PLEKHG1: variants seen among roughly 807,000 people sequenced by gnomAD.
PLEKHG1 encodes pleckstrin homology domain-containing family G member 1.
In PLEKHG1, 44 loss-of-function variants were observed where a neutral mutation model predicts 100.8. The ratio of observed to expected loss-of-function variants is 0.44; its 90% confidence interval spans 0.34 to 0.56. PLEKHG1 has a LOEUF of 0.56. PLEKHG1 is among the 20% of genes least tolerant of loss of function. The pLI is 0.01. For synonymous variants in PLEKHG1, 640 were observed against 662.5 expected, an observed-to-expected ratio of 0.97 and a Z score of 0.52; for missense variants, 1,545 against 1,720.9, an observed-to-expected ratio of 0.90 and a Z score of 1.81.
chr6:150,614,455 A>G (rs1776977855), intron 1 of PLEKHG1, among the ~76,000 whole-genome samples: 4 of 152,224 alleles, frequency 2.6e-5, no homozygotes, highest in Admixed American at 1.3e-4. Context: ...ATAATAATGG[A>G]GAAAGTGTTA....
At chr6:150,677,283 T>TACGCGCAC (rs756621195) in intron 3 of PLEKHG1, among the ~76,000 whole-genome samples, 84 of 134,264 alleles carry the variant, frequency 6.3e-4, no homozygotes, top group Middle Eastern at 4.2e-3. Context: ...TTTCTTCCCC[T>TACGCGCAC]ATACACACAC....
chr6:150,736,544 G>A (rs982456571), intron 2 of PLEKHG1, among the ~76,000 whole-genome samples: 37 of 152,268 alleles, frequency 2.4e-4, no homozygotes, highest in Non-Finnish European at 4.9e-4. Context: ...CGAGGCGGGC[G>A]GATCACCTGA....
chr6:150,733,169 G>A (rs1410284116), intron 1 of PLEKHG1, among the ~76,000 whole-genome samples: 2 of 152,158 alleles, frequency 1.3e-5, no homozygotes, highest in African/African-American at 4.8e-5. Context: ...AACCACTTGT[G>A]GTGCTTGTTA....
At chr6:150,724,393 C>G (rs1243379563) in intron 1 of PLEKHG1, among the ~76,000 whole-genome samples, 2 of 152,008 alleles carry the variant, frequency 1.3e-5, no homozygotes, top group Non-Finnish European at 2.9e-5. Flanking sequence ...ACTAACAGTC[C>G]CTCTCTGAGT....
chr6:150,730,329 G>A (rs1331444675), intron 1 of PLEKHG1, among the ~76,000 whole-genome samples: 14 of 145,944 alleles, frequency 9.6e-5, no homozygotes, highest in African/African-American at 2.5e-4. Context: ...GTGGGTTGAG[G>A]TGGTGGGGGT....
intron 1 of PLEKHG1, among the ~76,000 whole-genome samples, chr6:150,616,827 GGT>G (rs1777092210): frequency 6.6e-6 from 1 of 152,168 alleles, no homozygotes; most frequent in Non-Finnish European, 1.5e-5. Context: ...CTCACAAAGA[GGT>G]GTACTAATCA....
intron 3 of PLEKHG1, among the ~76,000 whole-genome samples, chr6:150,711,660 A>G (rs557280359): frequency 6.5e-4 from 99 of 152,300 alleles, no homozygotes; most frequent in Non-Finnish European, 1.0e-3. Context: ...TTTTTAGTCC[A>G]TGCAGCTCCC....
At chr6:150,759,201 T>C (rs1161408197) in intron 2 of PLEKHG1, among the ~76,000 whole-genome samples, 2 of 152,150 alleles carry the variant, frequency 1.3e-5, no homozygotes, top group East Asian at 1.9e-4. Flanking sequence ...ACGTGGCAGA[T>C]GGTTGAAAGC....
chr6:150,782,744 T>A (rs2128649233), intron 3 of PLEKHG1, among the ~76,000 whole-genome samples: 1 of 152,322 alleles, frequency 6.6e-6, no homozygotes, highest in East Asian at 1.9e-4. Flanking sequence ...CTAAATTTTT[T>A]AAGAGTATAA....
intron 1 of PLEKHG1, among the ~76,000 whole-genome samples, chr6:150,611,006 C>T (rs373723570): frequency 6.6e-6 from 1 of 152,134 alleles, no homozygotes; most frequent in Non-Finnish European, 1.5e-5. Context: ...GCAAACGTAC[C>T]TTCTGATATA....
chr6:150,792,483 G>A (rs903773992), intron 4 of PLEKHG1, among the ~76,000 whole-genome samples: 4 of 151,896 alleles, frequency 2.6e-5, no homozygotes, highest in Admixed American at 1.3e-4. Context: ...GACCAGCCTG[G>A]CCAACATGGC....
At chr6:150,645,336 CA>C (rs1327880553) in intron 2 of PLEKHG1, among the ~76,000 whole-genome samples, 1 of 152,130 alleles carries the variant, frequency 6.6e-6, no homozygotes, top group East Asian at 1.9e-4. Context: ...CGAGGACTTA[CA>C]TGTGAAATTA....
chr6:150,826,054 G>A (rs189870482), intron 14 of PLEKHG1, among the ~76,000 whole-genome samples: 22 of 152,044 alleles, frequency 1.4e-4, no homozygotes, highest in Middle Eastern at 3.4e-3. Context: ...GGTCGTGGGC[G>A]GCTGTAATCC....
At chr6:150,821,308 A>C in intron 13 of PLEKHG1, 75 bp downstream of exon 14, 1 of 935,194 alleles carries the variant, frequency 1.1e-6, no homozygotes, top group Non-Finnish European at 1.7e-6. Context: ...AAATAAATAA[A>C]TACCAGATAA....
At chr6:150,769,583 T>TC (rs1784609540) in intron 3 of PLEKHG1, among the ~76,000 whole-genome samples, 1 of 42,990 alleles carries the variant, frequency 2.3e-5, no homozygotes, top group African/African-American at 2.0e-4. Context: ...AGACTCCATC[T>TC]CAAAAAAAAA....
At position 150,810,555 on chromosome 6, in the gene PLEKHG1, GAAAGAAA is replaced by G. The variant is rs1562540409; in HGVS notation, c.1278+822_1278+828del. Among the ~76,000 whole-genome samples, 836 of 140,526 alleles carry G rather than the reference GAAAGAAA, an allele frequency of 5.9e-3. 19 individuals are homozygous for G. Among genetic ancestry groups the G allele is most frequent in the African/African-American group, 0.017 (677 of 38,836 alleles). 92.2% of individuals were successfully genotyped at this position (140,526 alleles called of 152,430 possible). On this transcript the variant is annotated intron_variant, in intron 10 of 15. Coordinates refer to ENST00000358517, the Ensembl canonical transcript of PLEKHG1. ...GAAAGAAAGGAAGAAAGGAAGGAAA[GAAAGAAA>G]GAAAATTGAGAGATAGAATATATAG...
At position 150,831,786 on chromosome 6, in the gene PLEKHG1, C is replaced by G. The variant is rs751385027; in HGVS notation, c.2675C>G (p.Ser892Cys). The change falls in exon 15 of 16, where the codon TCC (serine) becomes TGC (cysteine). Residue 892 changes from serine to cysteine, a missense_variant. By Grantham distance (112) the Ser-to-Cys change is moderately radical. Transcript: ENST00000358517. The surrounding 1 kb of genome is among the most constrained non-coding windows in gnomAD (Gnocchi z 4.1). ...GTGGGGCGCTCTGTGTCCACGCTGT[C>G]CCTGCCTGAGAGCCAGGCTCTCCTC... 1.2e-6 allele frequency: 2 copies of G among 1,613,280 alleles called. No homozygotes were observed. Among genetic ancestry groups the G allele is most frequent in the East Asian group, 4.5e-5 (2 of 44,862 alleles).
At chr6:150,707,255 C>G (rs531574709) in intron 3 of PLEKHG1, among the ~76,000 whole-genome samples, 1 of 152,172 alleles carries the variant, frequency 6.6e-6, no homozygotes, top group Non-Finnish European at 1.5e-5. Context: ...CCACCTACCT[C>G]AGCCTCCCAA....
intron 15 of PLEKHG1, 117 bp downstream of exon 16, chr6:150,832,322 T>C: frequency 1.2e-6 from 1 of 818,166 alleles, no homozygotes; most frequent in East Asian, 2.6e-5. Flanking sequence ...AGCTTTGTCA[T>C]CTCAAAGTAA....
Sources: gnomAD v4.1 joint callset for allele counts (sites outside exome capture counted in the v4.1 genomes callset) on GRCh38, gnomAD v4.1.1 for gene constraint, Gnocchi (gnomAD v3.1) non-coding constraint, MANE v1.5 for transcripts, NCBI Gene and HGNC (gene_info 2026-07-23, HGNC 2026-07-21) for gene names.